CALD1: variants seen among roughly 807,000 people sequenced by gnomAD.
CALD1 encodes caldesmon.
A neutral mutation model predicts 99.9 loss-of-function variants in CALD1; 33 were observed. The observed-to-expected ratio is 0.33, with a 90% confidence interval of 0.25 to 0.44. The LOEUF (loss-of-function observed/expected upper bound fraction) is 0.44, where lower values mean the gene tolerates loss of function less well. Among genes scored for constraint, CALD1 ranks in the 20% least tolerant of loss-of-function variants. The pLI is 1.00. For synonymous variants in CALD1, 310 were observed against 325.0 expected (o/e 0.95, Z 0.50); for missense variants, 861 against 962.1 (o/e 0.89, Z 1.39).
chr7:134,753,425 A>G (rs1056431003), intron 1 of CALD1, among the ~76,000 whole-genome samples: 1 of 152,170 alleles, frequency 6.6e-6, no homozygotes, highest in Non-Finnish European at 1.5e-5. Flanking sequence ...CCAATCACCA[A>G]CTCTAAATTT....
chr7:134,731,876 A>G, the CALD1 span, among the ~76,000 whole-genome samples: 2 of 152,160 alleles, frequency 1.3e-5, no homozygotes, highest in Admixed American at 1.3e-4. Flanking sequence ...TGCTGATCTT[A>G]ATGGGTTTCA....
chr7:134,800,262 C>T (rs1056178799), intron 1 of CALD1, among the ~76,000 whole-genome samples: 1 of 151,966 alleles, frequency 6.6e-6, no homozygotes, highest in African/African-American at 2.4e-5. Context: ...TATTTTTGGG[C>T]TTCTAATTTG....
intron 3 of CALD1, chr7:134,891,589 C>T: frequency 6.3e-7 from 1 of 1,599,258 alleles, no homozygotes; most frequent in Non-Finnish European, 8.5e-7. Flanking sequence ...CTCCGTATCT[C>T]TCTGCCCCGC....
rs139858372 is a variant in CALD1, at chr7:134,866,565, G to A, written c.-41-1128G>A. 1.3e-3 allele frequency among the ~76,000 whole-genome samples: 204 copies of A among 152,216 alleles called. 2 individuals are homozygous for A. Among genetic ancestry groups the A allele is most frequent in the African/African-American group, 4.7e-3 (194 of 41,540 alleles). On this transcript the variant is annotated intron_variant, in intron 2 of 14. Transcript: ENST00000361675. ...AATAATTGGACAATTTATTTAAGAA[G>A]GTTTCTGAACTTGGCTTCAAAATCT...
intron 4 of CALD1, among the ~76,000 whole-genome samples, chr7:134,929,646 GTATATA>G (rs1159515485): frequency 1.3e-4 from 1 of 7,912 alleles, no homozygotes; most frequent in African/African-American, 3.1e-4. Context: ...GTGTGTGTGT[GTATATA>G]TATATATATA....
chr7:134,818,205 T>C (rs895851122), intron 1 of CALD1, among the ~76,000 whole-genome samples: 10 of 152,162 alleles, frequency 6.6e-5, no homozygotes, highest in Non-Finnish European at 1.3e-4. Flanking sequence ...TCATATTCTA[T>C]GAGTAATAAA....
intron 1 of CALD1, among the ~76,000 whole-genome samples, chr7:134,749,601 G>GA (rs1420356757): frequency 6.6e-6 from 1 of 152,012 alleles, no homozygotes; most frequent in Non-Finnish European, 1.5e-5. Flanking sequence ...CAAAAAGAGC[G>GA]AAAAAAAGCA....
chr7:134,845,104 T>C (rs188246971), intron 2 of CALD1, among the ~76,000 whole-genome samples: 6 of 152,332 alleles, frequency 3.9e-5, no homozygotes, highest in Admixed American at 3.9e-4. Context: ...TGAACTCTTT[T>C]AGCGATTACA....
At chr7:134,758,540 T>TGTGTG in intron 1 of CALD1, among the ~76,000 whole-genome samples, 2 of 94,204 alleles carry the variant, frequency 2.1e-5, no homozygotes, top group South Asian at 4.1e-4. Flanking sequence ...GTGTGTGTGT[T>TGTGTG]TCCAAGAACA....
At chr7:134,829,192 G>C (rs1799124841) in intron 1 of CALD1, among the ~76,000 whole-genome samples, 1 of 152,164 alleles carries the variant, frequency 6.6e-6, no homozygotes, top group Non-Finnish European at 1.5e-5. Context: ...AAATACATAA[G>C]TAACCAAACA....
rs200053386 is a variant in CALD1 at position 134,885,449 on chromosome 7, A to G, written c.71+17645A>G. On this transcript the variant is annotated intron_variant, in intron 3 of 14. Coordinates refer to ENST00000361675, the MANE Select transcript of CALD1 (RefSeq NM_033138.4). ...CCACCCCCCAAAAAGAAGGAAATCAATATTTTTTAAGACTTTATATGGTAT... is the reference window on the plus strand; with the variant it reads ...CCACCCCCCAAAAAGAAGGAAATCAGTATTTTTTAAGACTTTATATGGTAT... Among the ~76,000 whole-genome samples the G allele has an allele frequency of 1.1e-4, 17 of 152,310 alleles. No homozygotes were observed. The East Asian group carries it at 3.1e-3, about 28-fold the overall frequency.
intron 8 of CALD1, among the ~76,000 whole-genome samples, chr7:134,950,022 G>A (rs1807213722): frequency 6.6e-6 from 1 of 152,156 alleles, no homozygotes; most frequent in South Asian, 2.1e-4. Flanking sequence ...GCCATGGGTT[G>A]GACAAGTTTG....
At chr7:134,809,873 GA>G (rs968852389) in intron 1 of CALD1, among the ~76,000 whole-genome samples, 5 of 151,956 alleles carry the variant, frequency 3.3e-5, no homozygotes, top group African/African-American at 1.2e-4. Flanking sequence ...TTCATTGCTA[GA>G]AAAAAAATTA....
chr7:134,895,296 GTA>G (rs1235741213), intron 3 of CALD1, among the ~76,000 whole-genome samples: 27 of 108,140 alleles, frequency 2.5e-4, no homozygotes, highest in Middle Eastern at 4.1e-3. Flanking sequence ...TTTTATATAT[GTA>G]TGTGTGTGTG....
At chr7:134,953,873 T>C (rs1807567167) in intron 9 of CALD1, among the ~76,000 whole-genome samples, 1 of 152,160 alleles carries the variant, frequency 6.6e-6, no homozygotes. Flanking sequence ...AGTAGATGTA[T>C]AAAAAAGGTC....
chr7:134,925,793 A>AGGGATGTCCCATAC (rs749617129), intron 3 of CALD1, among the ~76,000 whole-genome samples: 10 of 152,202 alleles, frequency 6.6e-5, no homozygotes, highest in Non-Finnish European at 1.2e-4. Flanking sequence ...CCCTATCAAT[A>AGGGATGTCCCATAC]GGGATGTCCC....
intron 13 of CALD1, 125 bp downstream of exon 13, chr7:134,960,753 T>G (rs1449573611): frequency 3.2e-6 from 2 of 627,324 alleles, no homozygotes; most frequent in African/African-American, 3.7e-5. Context: ...CCCTGATGAA[T>G]AGCAAACAGG....
At chr7:134,822,556 A>T (rs1798823506) in intron 1 of CALD1, among the ~76,000 whole-genome samples, 2 of 152,190 alleles carry the variant, frequency 1.3e-5, no homozygotes, top group Non-Finnish European at 2.9e-5. Context: ...TGCATTTGTT[A>T]AAAAAATACT....
At chr7:134,777,530 G>A (rs892311242), upstream of CALD1, among the ~76,000 whole-genome samples, 2 of 152,044 alleles carry the variant, frequency 1.3e-5, no homozygotes, top group African/African-American at 4.8e-5. Flanking sequence ...TGGAAAGCTG[G>A]TATTTATTTT....
Sources: gnomAD v4.1 joint callset for allele counts (sites outside exome capture counted in the v4.1 genomes callset) on GRCh38, gnomAD v4.1.1 for gene constraint, MANE v1.5 for transcripts, NCBI Gene and HGNC (gene_info 2026-07-23, HGNC 2026-07-21) for gene names.